The following AEBP2 variants were observed in gnomAD, a reference collection of about 807,000 sequenced individuals.
AEBP2 encodes the protein zinc finger protein AEBP2.
A neutral mutation model predicts 50.8 loss-of-function variants in AEBP2; 10 were observed. The ratio of observed to expected loss-of-function variants is 0.20; its 90% confidence interval spans 0.12 to 0.33. The LOEUF (loss-of-function observed/expected upper bound fraction) is 0.33. Ranked by LOEUF, AEBP2 falls within the 10% of genes least tolerant of loss-of-function variation. AEBP2 has a pLI of 1.00. For synonymous variants in AEBP2, 296 were observed against 261.3 expected (o/e 1.13, Z -1.28); for missense variants, 570 against 688.0 (o/e 0.83, Z 1.92).
In AEBP2 at chr12:19,428,987, T is replaced by C. The variant is rs1462741193; in HGVS notation, c.-17+24771T>C. 2.1e-4 allele frequency among the ~76,000 whole-genome samples: 32 copies of C among 152,104 alleles called. 1 individual carries two copies. Among genetic ancestry groups the C allele is most frequent in the Admixed American group, 2.0e-3 (31 of 15,260 alleles). ...AACCCCATCTCTACAATTTTTTTTT[T>C]CCATTATACTTTAAGTTTTAGGATA... On this transcript the variant is annotated intron_variant, in intron 1 of 3. Coordinates refer to the AEBP2 transcript ENST00000538425.
At chr12:19,410,033 A>T (rs1266743039) in intron 1 of AEBP2, among the ~76,000 whole-genome samples, 3 of 152,108 alleles carry the variant, frequency 2.0e-5, no homozygotes, top group Non-Finnish European at 4.4e-5. Context: ...TTTGTGTAGT[A>T]GTTATAAAAG....
intron 1 of AEBP2, among the ~76,000 whole-genome samples, chr12:19,428,879 C>T (rs2095749960): frequency 6.6e-6 from 1 of 152,072 alleles, no homozygotes; most frequent in South Asian, 2.1e-4. Context: ...TGGCACATGC[C>T]TGTAATTCCA....
At chr12:19,463,331 A>G (rs1948410534) in intron 2 of AEBP2, among the ~76,000 whole-genome samples, 1 of 152,248 alleles carries the variant, frequency 6.6e-6, no homozygotes, top group Admixed American at 6.5e-5. Context: ...CAAATTGGGT[A>G]AGCCAAAAGT....
At position 19,518,722 on chromosome 12, in the gene AEBP2, C is replaced by A; in HGVS notation, c.*605C>A. 1 of 1,484,296 alleles carries A rather than the reference C, an allele frequency of 6.7e-7. No individual in the cohort carries two copies. Among genetic ancestry groups the A allele is most frequent in the Non-Finnish European group, 9.1e-7 (1 of 1,098,684 alleles). 91.9% of individuals were successfully genotyped at this position (1,484,296 alleles called of 1,614,324 possible). A position where few individuals can be genotyped will look rare whatever the true frequency, so the allele number is the denominator to read the frequency against. ...AATTTGTATTTAAGCAAACAGTGAA[C>A]GACGTTTGCAATCAACTAAAAATTC... On this transcript the variant is annotated 3_prime_UTR_variant, in exon 8 of 8. Transcript: ENST00000266508.
Position 19,521,180 on chromosome 12 carries a change from A to G in AEBP2, c.*3063A>G, listed in dbSNP as rs1460200321. The G allele has an allele frequency of 1.3e-5, 2 of 152,166 alleles. No individual in the cohort carries two copies. The highest frequency in any genetic ancestry group is 2.9e-5 in the Non-Finnish European group (2 of 68,024). 9.4% of individuals were successfully genotyped at this position (152,166 alleles called of 1,614,324 possible). On this transcript the variant is annotated 3_prime_UTR_variant, in exon 8 of 8. Coordinates refer to ENST00000266508, the MANE Select transcript of AEBP2 (RefSeq NM_153207.5). Reference sequence around the variant, plus strand: ...AGTTTTCGATTCCTTTGTCTAGTTGACAAAAAGTTTGGAAACATAAACTTA... The same window carrying G: ...AGTTTTCGATTCCTTTGTCTAGTTGGCAAAAAGTTTGGAAACATAAACTTA...
chr12:19,459,788 A>G (rs1312521039), intron 1 of AEBP2, among the ~76,000 whole-genome samples: 1 of 152,192 alleles, frequency 6.6e-6, no homozygotes, highest in African/African-American at 2.4e-5. Flanking sequence ...TAGATAGATG[A>G]GCTTAAATAC....
Position 19,518,849 on chromosome 12 carries a change from A to G in AEBP2, c.*732A>G, listed in dbSNP as rs1160006380. The G allele has an allele frequency of 5.2e-6, 3 of 577,828 alleles. No individual in the cohort carries two copies. The highest frequency in any genetic ancestry group is 8.1e-6 in the Non-Finnish European group (3 of 369,484). 35.8% of individuals were successfully genotyped at this position (577,828 alleles called of 1,614,324 possible). ...GCTTTCTCATGGAGTACAGTATGTT[A>G]ATATTTACCTATATAACTAATCTGT... On this transcript the variant is annotated 3_prime_UTR_variant, in exon 8 of 8. Transcript: ENST00000266508.
Position 19,479,140 on chromosome 12 carries a change from C to T in AEBP2, c.987+5785C>T, listed in dbSNP as rs10841238. ...GGGAGGATTGCCTGAGCCTGGGAGG[C>T]AGAGATTGCCATGAGCCAAGATTGT... On this transcript the variant is annotated intron_variant, in intron 3 of 7. Coordinates refer to ENST00000266508, the MANE Select transcript of AEBP2 (RefSeq NM_153207.5). Among the ~76,000 whole-genome samples, 6 of 151,854 alleles carry T rather than the reference C, an allele frequency of 4.0e-5. No homozygotes were observed. In the South Asian group the frequency reaches 8.3e-4, roughly 21 times the overall value.
chr12:19,494,384 C>T (rs570452455), intron 4 of AEBP2, among the ~76,000 whole-genome samples: 5 of 151,862 alleles, frequency 3.3e-5, no homozygotes, highest in South Asian at 2.1e-4. Flanking sequence ...TGCAGTGAGC[C>T]GTGATCGCGC....
chr12:19,475,697 A>G (rs1948638065), intron 3 of AEBP2, among the ~76,000 whole-genome samples: 1 of 152,110 alleles, frequency 6.6e-6, no homozygotes, highest in Non-Finnish European at 1.5e-5. Context: ...TGGTTGTATT[A>G]TATTCTCACC....
chr12:19,479,774 T>C (rs1421089775), intron 3 of AEBP2, among the ~76,000 whole-genome samples: 2 of 147,770 alleles, frequency 1.4e-5, no homozygotes, highest in African/African-American at 5.0e-5. Context: ...AAGTCTGTTA[T>C]ATTTGATATA....
chr12:19,420,756 T>C (rs2095745272), intron 1 of AEBP2, among the ~76,000 whole-genome samples: 1 of 152,186 alleles, frequency 6.6e-6, no homozygotes, highest in South Asian at 2.1e-4. Flanking sequence ...GTTTTGGTTC[T>C]TTGCCCTCTT....
chr12:19,447,213 G>A (rs1414980491), intron 1 of AEBP2, among the ~76,000 whole-genome samples: 1 of 152,212 alleles, frequency 6.6e-6, no homozygotes, highest in Non-Finnish European at 1.5e-5. Context: ...GTATAGGTTT[G>A]TGAATCAAAT....
chr12:19,436,296 A>G (rs576812290), upstream of AEBP2, among the ~76,000 whole-genome samples: 3 of 152,324 alleles, frequency 2.0e-5, no homozygotes, highest in East Asian at 5.8e-4. Flanking sequence ...CCTCATTTCC[A>G]GGAACTGCCC....
At chr12:19,485,418 A>G (rs1948792039) in intron 3 of AEBP2, among the ~76,000 whole-genome samples, 2 of 152,040 alleles carry the variant, frequency 1.3e-5, no homozygotes, top group African/African-American at 4.8e-5. Context: ...AATGAGAAAA[A>G]CAGAGTAGGC....
chr12:19,449,660 TTGA>T (rs1379738218), intron 1 of AEBP2, among the ~76,000 whole-genome samples: 3 of 152,210 alleles, frequency 2.0e-5, no homozygotes, highest in East Asian at 3.8e-4. Context: ...AGTCTTTTTC[TTGA>T]TGATAAAAAT....
chr12:19,436,135 T>C (rs553956008), upstream of AEBP2, among the ~76,000 whole-genome samples: 5 of 152,290 alleles, frequency 3.3e-5, no homozygotes, highest in East Asian at 3.9e-4. Context: ...CAAGATGCGA[T>C]GTAAGTGACC....
intron 7 of AEBP2, 130 bp from the exon 8 acceptor site, chr12:19,517,957 G>T: frequency 1.2e-6 from 1 of 862,258 alleles, no homozygotes; most frequent in South Asian, 2.4e-5. Context: ...AAATGTTTTG[G>T]AAATACATTT....
At chr12:19,444,731 G>C (rs1948028269) in intron 1 of AEBP2, among the ~76,000 whole-genome samples, 1 of 152,222 alleles carries the variant, frequency 6.6e-6, no homozygotes. Flanking sequence ...CACGTTGCTT[G>C]AATGCGTGCA....
Sources: gnomAD v4.1 joint callset for allele counts (sites outside exome capture counted in the v4.1 genomes callset) on GRCh38, gnomAD v4.1.1 for gene constraint, MANE v1.5 for transcripts, NCBI Gene and HGNC (gene_info 2026-07-23, HGNC 2026-07-21) for gene names.